C12orf54: variants seen among roughly 807,000 people sequenced by gnomAD.
C12orf54 encodes the protein uncharacterized protein C12orf54.
Under a neutral mutation model 26.4 loss-of-function variants are expected in C12orf54, and 24 were observed. That is an observed-to-expected ratio of 0.91 (90% confidence interval 0.66 to 1.28). The LOEUF (loss-of-function observed/expected upper bound fraction) is 1.28. Among genes scored for constraint, C12orf54 ranks in the 50% most tolerant of loss-of-function variants. The pLI, the probability that C12orf54 is intolerant of heterozygous loss-of-function variation, is 0.00. For missense variants in C12orf54, 154 were observed against 150.9 expected (o/e 1.02, Z -0.11); for synonymous variants, 54 against 47.0 (o/e 1.15, Z -0.61).
At chr12:48,479,743 C>T (rs1227105777), upstream of C12orf54, among the ~76,000 whole-genome samples, 1 of 151,922 alleles carries the variant, frequency 6.6e-6, no homozygotes, top group East Asian at 1.9e-4. Context: ...TCATAAGTGA[C>T]ATGTAATTTC....
At chr12:48,440,745 T>C in the C12orf54 span, among the ~76,000 whole-genome samples, 1 of 152,202 alleles carries the variant, frequency 6.6e-6, no homozygotes, top group Non-Finnish European at 1.5e-5. Flanking sequence ...CATGCCTAGG[T>C]CCAAAACACA....
upstream of C12orf54, among the ~76,000 whole-genome samples, chr12:48,481,101 C>T (rs554822579): frequency 6.6e-6 from 1 of 152,172 alleles, no homozygotes; most frequent in Non-Finnish European, 1.5e-5. Flanking sequence ...GTACTATGCT[C>T]ACTGTCTGGG....
the C12orf54 span, among the ~76,000 whole-genome samples, chr12:48,459,624 T>C: frequency 6.6e-6 from 1 of 152,190 alleles, no homozygotes; most frequent in South Asian, 2.1e-4. Flanking sequence ...CCCAAGACCA[T>C]TCTTAGGCTC....
At chr12:48,471,600 G>A in the C12orf54 span, among the ~76,000 whole-genome samples, 1 of 152,086 alleles carries the variant, frequency 6.6e-6, no homozygotes, top group Non-Finnish European at 1.5e-5. Flanking sequence ...TGAAAAGAAA[G>A]TCCTTTCCCC....
chr12:48,476,003 T>C, the C12orf54 span, among the ~76,000 whole-genome samples: 76,542 of 145,944 alleles, frequency 0.52, 21,019 homozygotes, highest in East Asian at 0.79. Context: ...AGAGAAAGGT[T>C]GGGTTACCCA....
At chr12:48,433,340 G>A in the C12orf54 span, among the ~76,000 whole-genome samples, 1 of 152,058 alleles carries the variant, frequency 6.6e-6, no homozygotes, top group South Asian at 2.1e-4. Context: ...AAACTATTTT[G>A]AACTGCCTTA....
intron 6 of C12orf54, among the ~76,000 whole-genome samples, chr12:48,492,210 ATCT>A (rs1010658303): frequency 1.3e-4 from 20 of 152,112 alleles, no homozygotes; most frequent in African/African-American, 4.6e-4. Context: ...AAGGGTACAA[ATCT>A]TCTTGGGGAT....
the C12orf54 span, chr12:48,472,823 C>A: frequency 6.2e-7 from 1 of 1,614,150 alleles, no homozygotes; most frequent in East Asian, 2.2e-5. Context: ...TCAACATAGG[C>A]CTCACCTCAA....
chr12:48,448,369 A>G, the C12orf54 span, among the ~76,000 whole-genome samples: 6 of 152,188 alleles, frequency 3.9e-5, no homozygotes, highest in African/African-American at 1.2e-4. Flanking sequence ...CTCTTGTTAT[A>G]TGTGACATTC....
chr12:48,451,130 C>G, the C12orf54 span, among the ~76,000 whole-genome samples: 3 of 152,176 alleles, frequency 2.0e-5, no homozygotes, highest in Admixed American at 2.0e-4. Context: ...AAAAGTTTAT[C>G]TGCCATAATC....
upstream of C12orf54, among the ~76,000 whole-genome samples, chr12:48,479,046 TAAAG>T (rs1011968393): frequency 6.6e-6 from 1 of 152,182 alleles, no homozygotes; most frequent in African/African-American, 2.4e-5. Context: ...CATGCTGCTA[TAAAG>T]ATACATGCAC....
chr12:48,428,781 G>A, the C12orf54 span, among the ~76,000 whole-genome samples: 2 of 152,044 alleles, frequency 1.3e-5, no homozygotes, highest in Non-Finnish European at 2.9e-5. Flanking sequence ...CATTCCACAA[G>A]ACAGAGAAAG....
At chr12:48,433,588 C>T in the C12orf54 span, among the ~76,000 whole-genome samples, 2 of 152,036 alleles carry the variant, frequency 1.3e-5, no homozygotes, top group Non-Finnish European at 2.9e-5. Context: ...GCTGGGACTA[C>T]AGGCACCCAC....
chr12:48,436,068 A>G, the C12orf54 span, among the ~76,000 whole-genome samples: 34 of 152,204 alleles, frequency 2.2e-4, no homozygotes, highest in Non-Finnish European at 1.2e-4. Flanking sequence ...AGGAAGATCT[A>G]CCAAGCAAAT....
At chr12:48,489,531 A>G (rs973542066) in intron 5 of C12orf54, among the ~76,000 whole-genome samples, 1 of 151,342 alleles carries the variant, frequency 6.6e-6, no homozygotes, top group Non-Finnish European at 1.5e-5. Context: ...GTTCAAGTGA[A>G]TCTCCTCCCT....
chr12:48,485,586 C>G (rs1353535723), intron 2 of C12orf54, among the ~76,000 whole-genome samples: 1 of 152,132 alleles, frequency 6.6e-6, no homozygotes, highest in Non-Finnish European at 1.5e-5. Flanking sequence ...CTTCTTTCTT[C>G]CAGTTACCTG....
At chr12:48,464,390 T>A in the C12orf54 span, among the ~76,000 whole-genome samples, 1 of 151,858 alleles carries the variant, frequency 6.6e-6, no homozygotes, top group Non-Finnish European at 1.5e-5. Context: ...CTCTACAATG[T>A]GAATTACAAA....
At chr12:48,467,371 T>C in the C12orf54 span, among the ~76,000 whole-genome samples, 1 of 152,286 alleles carries the variant, frequency 6.6e-6, no homozygotes, top group African/African-American at 2.4e-5. Flanking sequence ...TACATTTTTG[T>C]TGTTAAAGCC....
the C12orf54 span, among the ~76,000 whole-genome samples, chr12:48,474,338 T>C: frequency 2.0e-5 from 3 of 152,218 alleles, no homozygotes; most frequent in African/African-American, 7.2e-5. Flanking sequence ...AGGTGATTTC[T>C]GCATTTCCAA....
Sources: gnomAD v4.1 joint callset for allele counts (sites outside exome capture counted in the v4.1 genomes callset) on GRCh38, gnomAD v4.1.1 for gene constraint, MANE v1.5 for transcripts, NCBI Gene and HGNC (gene_info 2026-07-23, HGNC 2026-07-21) for gene names.